ADGB: variants seen among roughly 807,000 people sequenced by gnomAD.
ADGB encodes calpain-7-like protein.
A neutral mutation model predicts 210.5 loss-of-function variants in ADGB; 172 were observed. That is an observed-to-expected ratio of 0.82 (90% CI 0.72 to 0.93). ADGB has a LOEUF of 0.93. Among genes scored for constraint, ADGB ranks in the 40% least tolerant of loss-of-function variants. The probability of loss-of-function intolerance (pLI) is 0.00; values close to 1 mark genes in which losing one functional copy is unlikely to be tolerated. For synonymous variants in ADGB, 658 were observed against 662.7 expected (o/e 0.99, Z 0.11); for missense variants, 2,025 against 1,964.8 (o/e 1.03, Z -0.58).
chr6:146,640,242 A>C (rs1429610310), intron 2 of ADGB, among the ~76,000 whole-genome samples: 2 of 151,920 alleles, frequency 1.3e-5, no homozygotes, highest in Non-Finnish European at 2.9e-5. Context: ...GACCAATAAC[A>C]AGCTCTGAAA....
At chr6:146,691,817 G>T (rs1313690181) in intron 11 of ADGB, among the ~76,000 whole-genome samples, 1 of 151,716 alleles carries the variant, frequency 6.6e-6, no homozygotes, top group African/African-American at 2.4e-5. Flanking sequence ...GTAGCAAAGT[G>T]CATCTGCTTT....
In ADGB at chr6:146,607,005, C is replaced by A. The variant is rs983736580; in HGVS notation, c.74+7891C>A. On this transcript the variant is annotated intron_variant, in intron 1 of 35. Transcript: ENST00000397944. ...GCTTTGGGCAGCATGGTCATTTTAA[C>A]AATGTTGATTTTTCCTATTCATGAG... Among the ~76,000 whole-genome samples the A allele has an allele frequency of 1.2e-4, 18 of 152,226 alleles. 1 individual carries two copies. In the South Asian group the frequency reaches 2.9e-3, roughly 25 times the overall value.
chr6:146,676,293 G>T lies in ADGB; in HGVS notation c.1088-20G>T. 1 of 1,529,018 alleles carries T rather than the reference G, an allele frequency of 6.5e-7. No homozygotes were observed. Among genetic ancestry groups the T allele is most frequent in the South Asian group, 1.2e-5 (1 of 80,358 alleles). 94.7% of individuals were successfully genotyped at this position (1,529,018 alleles called of 1,614,324 possible). ...AGATTGTCTAGTTAAAATATTTATT[G>T]TGATTTTTTCATATGTTAGAGAAAG... is the stretch of plus-strand genomic sequence containing the variant. On this transcript the variant is annotated intron_variant, in intron 8 of 35. Transcript: ENST00000397944.
intron 29 of ADGB, among the ~76,000 whole-genome samples, chr6:146,781,791 C>T (rs976982829): frequency 2.0e-5 from 3 of 152,042 alleles, no homozygotes; most frequent in Non-Finnish European, 4.4e-5. Flanking sequence ...TATAAATGTA[C>T]CAAAGCCTGC....
rs151145808 is a variant in ADGB at position 146,715,225 on chromosome 6, G to A, written c.1708-157G>A. Among the ~76,000 whole-genome samples, 444 of 152,186 alleles carry A rather than the reference G, an allele frequency of 2.9e-3. 2 individuals carry two copies. Among genetic ancestry groups the A allele is most frequent in the African/African-American group, 0.01 (428 of 41,516 alleles). On this transcript the variant is annotated intron_variant, in intron 13 of 35. Transcript: ENST00000397944. The stretch of plus-strand genomic sequence containing the variant: ...CCATTCATGTCCTTTGACATTTAAA[G>A]TTAAAAACAAATTTTTTTGGTAGGT...
At chr6:146,600,951 C>G (rs915720941) in intron 1 of ADGB, among the ~76,000 whole-genome samples, 4 of 151,838 alleles carry the variant, frequency 2.6e-5, no homozygotes, top group African/African-American at 4.8e-5. Flanking sequence ...CACACACACA[C>G]ACACACACAC....
Position 146,769,011 on chromosome 6 carries a change from A to G in ADGB, c.3751-9A>G, listed in dbSNP as rs1777615082. ...TTATCATTTTTAAACACTGCATTTT[A>G]TTTCACAGAATTACAAGTATATTAT... On this transcript the variant is annotated splice_polypyrimidine_tract_variant and intron_variant, in intron 28 of 35. Transcript: ENST00000397944. 2 of 1,407,218 alleles carry G rather than the reference A, an allele frequency of 1.4e-6. No individual in the cohort carries two copies. Among genetic ancestry groups the G allele is most frequent in the Middle Eastern group, 2.4e-4 (1 of 4,136 alleles). 87.2% of individuals were successfully genotyped at this position (1,407,218 alleles called of 1,614,324 possible).
intron 1 of ADGB, among the ~76,000 whole-genome samples, chr6:146,613,542 C>G (rs60441484): frequency 0.1 from 15,370 of 152,166 alleles, 1,080 homozygotes; most frequent in African/African-American, 0.2. Context: ...ATTTCAGACT[C>G]TAATGTTATT....
At chr6:146,783,247 G>A (rs753721077) in intron 30 of ADGB, among the ~76,000 whole-genome samples, 10 of 152,104 alleles carry the variant, frequency 6.6e-5, no homozygotes, top group Non-Finnish European at 1.5e-5. Context: ...AGCAGGAATA[G>A]CTGAGTAGGA....
intron 33 of ADGB, among the ~76,000 whole-genome samples, chr6:146,790,367 T>G (rs975235247): frequency 6.6e-6 from 1 of 152,168 alleles, no homozygotes; most frequent in Admixed American, 6.5e-5. Context: ...CCCCAGCCTC[T>G]GGTAACCACC....
In ADGB at chr6:146,661,512, C is replaced by T. The variant is rs185671357; in HGVS notation, c.613-2689C>T. On this transcript the variant is annotated intron_variant, in intron 5 of 35. Transcript: ENST00000397944. ...GGATTACAGGTGTGAGCCACCACACCCAACCACTGATATAGTTTTTTTAAA... is the reference window on the plus strand; with the variant it reads ...GGATTACAGGTGTGAGCCACCACACTCAACCACTGATATAGTTTTTTTAAA... Among the ~76,000 whole-genome samples the T allele has an allele frequency of 6.9e-4, 105 of 152,096 alleles. 1 individual carries two copies. Among genetic ancestry groups the T allele is most frequent in the African/African-American group, 2.5e-3 (102 of 41,532 alleles).
Position 146,769,857 on chromosome 6 carries a change from C to T in ADGB, c.3862+726C>T, listed in dbSNP as rs918600759. Among the ~76,000 whole-genome samples the T allele has an allele frequency of 3.9e-5, 6 of 152,188 alleles. No individual in the cohort carries two copies. In the East Asian group the frequency reaches 1.2e-3, roughly 29 times the overall value. On this transcript the variant is annotated intron_variant, in intron 29 of 35. Transcript: ENST00000397944. ...CCATTTCTTCCTGGGTCCCATTAAC[C>T]TGAGTTCAAACACTTGATGGTAGCC...
At position 146,695,915 on chromosome 6, in the gene ADGB, T is replaced by C. The variant is rs143487196; in HGVS notation, c.1577+3000T>C. ...CCCTATTGAGAAGACCAGTTGAATG[T>C]AATTGTCCTAATAGTTAAAGCATTT... On this transcript the variant is annotated intron_variant, in intron 12 of 35. Coordinates refer to ENST00000397944, the MANE Select transcript of ADGB (RefSeq NM_024694.4). Among the ~76,000 whole-genome samples the C allele has an allele frequency of 3.1e-3, 477 of 152,256 alleles. 2 individuals are homozygous for C. The highest frequency in any genetic ancestry group is 3.6e-3 in the Non-Finnish European group (243 of 67,984).
chr6:146,786,681 G>A (rs897535386), intron 32 of ADGB, among the ~76,000 whole-genome samples: 2 of 152,126 alleles, frequency 1.3e-5, no homozygotes, highest in African/African-American at 4.8e-5. Context: ...CATCTCAAAA[G>A]TGATGAAGTT....
chr6:146,781,875 C>A, intron 29 of ADGB, 145 bp from the exon 30 acceptor site: 1 of 532,976 alleles, frequency 1.9e-6, no homozygotes, highest in Non-Finnish European at 3.0e-6. Context: ...ACGAGTCCAA[C>A]AGGCCTTTAT....
intron 25 of ADGB, among the ~76,000 whole-genome samples, chr6:146,742,648 A>G (rs1050765187): frequency 1.3e-5 from 2 of 152,192 alleles, no homozygotes; most frequent in Admixed American, 6.5e-5. Flanking sequence ...AAAACAGAAT[A>G]CTTTGCTAAT....
chr6:146,725,997 G>T, intron 18 of ADGB, 86 bp from the exon 19 acceptor site: 1 of 746,938 alleles, frequency 1.3e-6, no homozygotes, highest in Admixed American at 2.4e-5. Context: ...CTTCATTTGA[G>T]TTCCAAAGTG....
chr6:146,661,768 G>A (rs541186549), intron 5 of ADGB, among the ~76,000 whole-genome samples: 14 of 150,368 alleles, frequency 9.3e-5, no homozygotes, highest in Non-Finnish European at 1.5e-4. Context: ...ATTTTCTTTC[G>A]CAATTCCTTT....
At chr6:146,763,875 T>C in intron 27 of ADGB, 26 bp from the exon 28 acceptor site, 3 of 1,533,202 alleles carry the variant, frequency 2.0e-6, no homozygotes, top group Non-Finnish European at 1.8e-6. Context: ...ATATTTTAAC[T>C]TTAACTTAGT....
Sources: gnomAD v4.1 joint callset for allele counts (sites outside exome capture counted in the v4.1 genomes callset) on GRCh38, gnomAD v4.1.1 for gene constraint, MANE v1.5 for transcripts, NCBI Gene and HGNC (gene_info 2026-07-23, HGNC 2026-07-21) for gene names.